PRKD1: variants seen among roughly 807,000 people sequenced by gnomAD.
PRKD1 encodes serine/threonine-protein kinase D1.
In PRKD1, 63 loss-of-function variants were observed where a neutral mutation model predicts 95.9. That is an observed-to-expected ratio of 0.66 (90% CI 0.54 to 0.81). PRKD1 has a LOEUF of 0.81. Among genes scored for constraint, PRKD1 ranks in the 30% least tolerant of loss-of-function variants. The pLI, the probability that PRKD1 is intolerant of heterozygous loss-of-function variation, is 0.00. For missense variants in PRKD1, 1,048 were observed against 1,165.3 expected, an observed-to-expected ratio of 0.90 and a Z score of 1.47; for synonymous variants, 425 against 423.1, an observed-to-expected ratio of 1.00 and a Z score of -0.05.
At chr14:29,917,870 A>G (rs1323604192) in intron 1 of PRKD1, among the ~76,000 whole-genome samples, 1 of 152,198 alleles carries the variant, frequency 6.6e-6, no homozygotes, top group Non-Finnish European at 1.5e-5. Flanking sequence ...TGTGCTATGA[A>G]CTGAAGAGTA....
chr14:29,822,051 T>C (rs1293668708), intron 1 of PRKD1, among the ~76,000 whole-genome samples: 1 of 152,236 alleles, frequency 6.6e-6, no homozygotes, highest in Non-Finnish European at 1.5e-5. Context: ...ACTAACTCCA[T>C]GAACCAATTT....
intron 1 of PRKD1, among the ~76,000 whole-genome samples, chr14:29,907,090 C>A (rs994475520): frequency 6.6e-6 from 1 of 152,176 alleles, no homozygotes; most frequent in Non-Finnish European, 1.5e-5. Context: ...CTCAATTCAA[C>A]AAATATTTAT....
chr14:29,814,630 T>C (rs927241540), intron 1 of PRKD1, among the ~76,000 whole-genome samples: 1 of 152,184 alleles, frequency 6.6e-6, no homozygotes, highest in African/African-American at 2.4e-5. Context: ...CAAAGGTATA[T>C]GCAAAACCCT....
chr14:29,828,763 C>T (rs1379441340), intron 1 of PRKD1, among the ~76,000 whole-genome samples: 5 of 152,108 alleles, frequency 3.3e-5, no homozygotes, highest in Non-Finnish European at 1.5e-5. Context: ...TAGATATAAA[C>T]ACCTTGAAAC....
intron 1 of PRKD1, among the ~76,000 whole-genome samples, chr14:29,733,066 T>G (rs1886522886): frequency 6.6e-6 from 1 of 150,808 alleles, no homozygotes; most frequent in African/African-American, 2.4e-5. Context: ...AGTTCACTGA[T>G]ATTTTCTTTT....
At chr14:29,921,514 T>C (rs930051842) in intron 1 of PRKD1, among the ~76,000 whole-genome samples, 3 of 152,188 alleles carry the variant, frequency 2.0e-5, no homozygotes, top group African/African-American at 7.2e-5. Context: ...GTATGTTACA[T>C]ATATTGTCTT....
rs183418316 is a variant in PRKD1, at chr14:29,723,756, G to A, written c.403+1780C>T. Among the ~76,000 whole-genome samples the A allele has an allele frequency of 2.6e-5, 4 of 151,932 alleles. No homozygotes were observed. The East Asian group carries it at 7.8e-4, about 30-fold the overall frequency. On this transcript the variant is annotated intron_variant, in intron 2 of 17. Transcript: ENST00000331968. Reference sequence around the variant, plus strand: ...GACTTTGGGAAAATGGCACTATGTCGTTCAAAACTAGAATTAAACTGTTAG... The same window carrying A: ...GACTTTGGGAAAATGGCACTATGTCATTCAAAACTAGAATTAAACTGTTAG...
At chr14:29,578,543 TAAAAAAAAAAAA>T (rs992449669) in intron 16 of PRKD1, among the ~76,000 whole-genome samples, 183 bp from the exon 17 acceptor site, 24 of 42,702 alleles carry the variant, frequency 5.6e-4, no homozygotes, top group Admixed American at 1.3e-3. Context: ...TTTTGGATAC[TAAAAAAAAAAAA>T]AAAAAAAAAA....
At chr14:29,776,121 C>T (rs1888741397) in intron 1 of PRKD1, among the ~76,000 whole-genome samples, 2 of 152,066 alleles carry the variant, frequency 1.3e-5, no homozygotes, top group South Asian at 2.1e-4. Flanking sequence ...ACAGAAAGGA[C>T]ATCCACACCA....
At chr14:29,868,863 A>C (rs1893004099) in intron 1 of PRKD1, among the ~76,000 whole-genome samples, 1 of 152,214 alleles carries the variant, frequency 6.6e-6, no homozygotes, top group Non-Finnish European at 1.5e-5. Flanking sequence ...ACTGAGGCCA[A>C]TCGATACGGA....
chr14:29,828,536 T>C (rs1594556474), intron 1 of PRKD1, among the ~76,000 whole-genome samples: 1 of 152,250 alleles, frequency 6.6e-6, no homozygotes, highest in African/African-American at 2.4e-5. Flanking sequence ...CAATATTCTA[T>C]TCTCCTTGAC....
At chr14:29,918,075 G>C (rs180743443) in intron 1 of PRKD1, among the ~76,000 whole-genome samples, 2 of 151,886 alleles carry the variant, frequency 1.3e-5, no homozygotes, top group Non-Finnish European at 2.9e-5. Context: ...TTCAAAGCAG[G>C]AAATATATTG....
At position 29,927,599 on chromosome 14, in the gene PRKD1, C is replaced by A; in HGVS notation, c.-87G>T. On this transcript the variant is annotated 5_prime_UTR_variant, in exon 1 of 18. Transcript: ENST00000331968. ...AGTTTTGCAGCCGCTGAGCCAGGAG[C>A]TTCTTTCTCCGAGAGCCCAGACGGA... 9.9e-7 allele frequency: 1 copy of A among 1,013,136 alleles called. No homozygotes were observed. The highest frequency in any genetic ancestry group is 1.2e-6 in the Non-Finnish European group (1 of 833,284). The allele number at this position is 1,013,136 out of a possible 1,614,324, so 62.8% of individuals were successfully genotyped here.
At chr14:29,859,192 C>A (rs572695109) in intron 1 of PRKD1, among the ~76,000 whole-genome samples, 2 of 152,308 alleles carry the variant, frequency 1.3e-5, no homozygotes, top group Middle Eastern at 3.4e-3. Flanking sequence ...TGACAGTAAG[C>A]TGGGCGCCGT....
intron 1 of PRKD1, among the ~76,000 whole-genome samples, chr14:29,834,490 G>A (rs1431998779): frequency 6.6e-6 from 1 of 151,604 alleles, no homozygotes; most frequent in Non-Finnish European, 1.5e-5. Flanking sequence ...CTAAATTCTG[G>A]GTTTAGCTAG....
At chr14:29,577,590 C>T in intron 17 of PRKD1, 134 bp from the exon 18 acceptor site, 1 of 840,946 alleles carries the variant, frequency 1.2e-6, no homozygotes, top group Middle Eastern at 3.4e-4. Context: ...TTTCATCACG[C>T]ATCCTCAAGT....
rs553026567 is a variant in PRKD1 at position 29,922,097 on chromosome 14, C to G, written c.264+5152G>C. Among the ~76,000 whole-genome samples, 17 of 152,002 alleles carry G rather than the reference C, an allele frequency of 1.1e-4. No homozygotes were observed. The South Asian group carries it at 1.5e-3, about 13-fold the overall frequency. On this transcript the variant is annotated intron_variant, in intron 1 of 17. Transcript: ENST00000331968. ...CGGGCGGATTACGAGGTCAGGAGAT[C>G]GAGACCATCCTGGATAACACGGTGA...
chr14:29,703,626 AG>A (rs1884943488), intron 2 of PRKD1, among the ~76,000 whole-genome samples: 1 of 152,228 alleles, frequency 6.6e-6, no homozygotes, highest in Non-Finnish European at 1.5e-5. Context: ...AGGAAGATGT[AG>A]GTATAAAGGA....
chr14:29,829,112 C>A (rs1312995187), intron 1 of PRKD1, among the ~76,000 whole-genome samples: 1 of 152,140 alleles, frequency 6.6e-6, no homozygotes, highest in Non-Finnish European at 1.5e-5. Flanking sequence ...ATAATCATCC[C>A]TGGCCACAAG....
Sources: allele counts gnomAD v4.1 joint callset (sites outside exome capture counted in the v4.1 genomes callset), GRCh38; gene constraint gnomAD v4.1.1; transcripts MANE v1.5; gene names NCBI Gene and HGNC (gene_info 2026-07-23, HGNC 2026-07-21).